The following SGIP1 variants were observed in gnomAD, a reference collection of about 807,000 sequenced individuals.
SGIP1 encodes the protein SH3GL interacting endocytic adaptor 1, also known as SH3-containing GRB2-like protein 3-interacting protein 1.
In SGIP1, 38 loss-of-function variants were observed where a neutral mutation model predicts 107.5. The ratio of observed to expected loss-of-function variants is 0.35; its 90% CI spans 0.27 to 0.46. The LOEUF is 0.46. Among genes scored for constraint, SGIP1 ranks in the 20% least tolerant of loss-of-function variants. The probability of loss-of-function intolerance (pLI) is 1.00; values close to 1 mark genes in which losing one functional copy is unlikely to be tolerated. For synonymous variants in SGIP1, 365 were observed against 366.1 expected, an observed-to-expected ratio of 1.00 and a Z score of 0.03; for missense variants, 929 against 1,019.5, an observed-to-expected ratio of 0.91 and a Z score of 1.21.
At chr1:66,691,249 C>T (rs555393545) in intron 17 of SGIP1, among the ~76,000 whole-genome samples, 39 of 152,284 alleles carry the variant, frequency 2.6e-4, no homozygotes, top group Middle Eastern at 3.4e-3. Context: ...TAAATAACTT[C>T]CTTCTGCTAC....
chr1:66,673,202 A>C (rs908388297), intron 11 of SGIP1, 79 bp from the exon 12 acceptor site: 1 of 1,421,586 alleles, frequency 7.0e-7, no homozygotes, highest in African/African-American at 1.4e-5. Flanking sequence ...TAAGAAAAAT[A>C]TGTGAAAGCT....
chr1:66,745,556 C>A lies in SGIP1; in HGVS notation c.*2461C>A, dbSNP rs539006838. The A allele has an allele frequency of 2.0e-5, 3 of 151,998 alleles. No individual in the cohort carries two copies. The South Asian group carries it at 6.2e-4, about 32-fold the overall frequency. 9.4% of individuals were successfully genotyped at this position (151,998 alleles called of 1,614,324 possible). On this transcript the variant is annotated 3_prime_UTR_variant, in exon 25 of 25. Transcript: ENST00000371037. ...TTCATGTCCTGAAAATGGTCCCAGG[C>A]AATGAAAGAGTCTCAGTTATCAAAG...
chr1:66,541,223 G>A (rs561736783), intron 1 of SGIP1, among the ~76,000 whole-genome samples: 91 of 152,304 alleles, frequency 6.0e-4, no homozygotes, highest in East Asian at 2.3e-3. Context: ...TGCACACTAG[G>A]CATTATTCTA....
chr1:66,589,691 A>T (rs566289005), intron 1 of SGIP1, among the ~76,000 whole-genome samples: 1 of 152,322 alleles, frequency 6.6e-6, no homozygotes, highest in East Asian at 1.9e-4. Context: ...AGAGTGTTTG[A>T]CAGCATATTC....
intron 1 of SGIP1, among the ~76,000 whole-genome samples, chr1:66,541,972 C>T (rs1308055432): frequency 3.3e-5 from 5 of 152,020 alleles, no homozygotes; most frequent in East Asian, 1.9e-4. Flanking sequence ...ATATTTTATT[C>T]GTGCAATGTC....
chr1:66,731,007 A>G (rs184616258), intron 20 of SGIP1, among the ~76,000 whole-genome samples: 7 of 152,272 alleles, frequency 4.6e-5, no homozygotes, highest in African/African-American at 1.7e-4. Flanking sequence ...TGCAGTTTCT[A>G]CCGTTACTTT....
intron 1 of SGIP1, among the ~76,000 whole-genome samples, chr1:66,580,339 G>T (rs1309505798): frequency 6.6e-6 from 1 of 152,006 alleles, no homozygotes; most frequent in African/African-American, 2.4e-5. Context: ...CTTGTCTAAG[G>T]GTCTTTGCGC....
chr1:66,727,525 C>T (rs1272109644), intron 19 of SGIP1, among the ~76,000 whole-genome samples: 3 of 152,202 alleles, frequency 2.0e-5, no homozygotes, highest in Admixed American at 6.5e-5. Flanking sequence ...GACTCTCCTC[C>T]TGTGTACTTA....
chr1:66,630,934 G>A (rs1458346647), intron 2 of SGIP1, among the ~76,000 whole-genome samples: 17 of 88,134 alleles, frequency 1.9e-4, no homozygotes, highest in East Asian at 1.8e-3. Context: ...AAGGAAGGAA[G>A]GAAAGAAAGA....
At chr1:66,642,283 G>A (rs1193322636) in intron 5 of SGIP1, among the ~76,000 whole-genome samples, 1 of 152,050 alleles carries the variant, frequency 6.6e-6, no homozygotes, top group African/African-American at 2.4e-5. Context: ...CCATCTTGGT[G>A]TCTCTGAACA....
At chr1:66,708,999 TTTTG>T (rs2092718379) in intron 18 of SGIP1, among the ~76,000 whole-genome samples, 1 of 151,996 alleles carries the variant, frequency 6.6e-6, no homozygotes, top group South Asian at 2.1e-4. Context: ...TTCTGTTTGT[TTTTG>T]TTTGTTTTGT....
chr1:66,651,841 A>T (rs1402186578), intron 7 of SGIP1, among the ~76,000 whole-genome samples: 1 of 152,208 alleles, frequency 6.6e-6, no homozygotes, highest in Non-Finnish European at 1.5e-5. Context: ...TTTGTTTTAA[A>T]TGTTAAGGAA....
At chr1:66,727,296 A>C (rs1241518102) in intron 19 of SGIP1, among the ~76,000 whole-genome samples, 1 of 152,224 alleles carries the variant, frequency 6.6e-6, no homozygotes, top group Non-Finnish European at 1.5e-5. Context: ...AAGCACATAA[A>C]AGATGCTGAT....
chr1:66,549,454 G>A (rs1311662978), intron 1 of SGIP1, among the ~76,000 whole-genome samples: 1 of 152,098 alleles, frequency 6.6e-6, no homozygotes, highest in African/African-American at 2.4e-5. Context: ...GCGTTGAATG[G>A]GATTCTCGAA....
intron 1 of SGIP1, among the ~76,000 whole-genome samples, chr1:66,588,638 C>CTTTTTTT (rs35096597): frequency 1.0e-5 from 1 of 98,664 alleles, no homozygotes; most frequent in Non-Finnish European, 2.0e-5. Flanking sequence ...CTAGTTAGTT[C>CTTTTTTT]TTTTTTTTTT....
intron 1 of SGIP1, chr1:66,590,334 A>C (rs1399044508): frequency 6.6e-6 from 1 of 152,252 alleles, no homozygotes; most frequent in Non-Finnish European, 1.5e-5. Context: ...TGTTTGATTA[A>C]GGAAGTCCTT....
intron 2 of SGIP1, among the ~76,000 whole-genome samples, chr1:66,626,717 G>A (rs992286761): frequency 2.0e-5 from 3 of 152,196 alleles, no homozygotes; most frequent in African/African-American, 7.2e-5. Context: ...CAAGACCAGT[G>A]TAGGGAGAGC....
At chr1:66,639,736 CA>C in intron 4 of SGIP1, 40 bp from the exon 5 acceptor site, 2 of 1,487,260 alleles carry the variant, frequency 1.3e-6, no homozygotes, top group Non-Finnish European at 9.4e-7. Context: ...TGTTTTTATT[CA>C]AATGTTTTCC....
chr1:66,663,455 T>G (rs2081939754), intron 8 of SGIP1, among the ~76,000 whole-genome samples: 1 of 152,170 alleles, frequency 6.6e-6, no homozygotes, highest in Non-Finnish European at 1.5e-5. Flanking sequence ...CCTTCCCTCC[T>G]GGCTGATAAT....
Sources: gnomAD v4.1 joint callset for allele counts (sites outside exome capture counted in the v4.1 genomes callset) on GRCh38, gnomAD v4.1.1 for gene constraint, MANE v1.5 for transcripts, NCBI Gene and HGNC (gene_info 2026-07-23, HGNC 2026-07-21) for gene names.